CTSD: variants seen among roughly 807,000 people sequenced by gnomAD.
CTSD encodes ceroid-lipofuscinosis, neuronal 10.
CTSD carries 28 observed loss-of-function variants against 43.6 expected under a neutral mutation model. That is an observed-to-expected ratio of 0.64 (90% CI 0.48 to 0.88). The LOEUF is 0.88. CTSD is among the 40% of genes least tolerant of loss of function. The probability of loss-of-function intolerance (pLI) is 0.00; values close to 1 mark genes in which losing one functional copy is unlikely to be tolerated. For missense variants in CTSD, 485 were observed against 555.2 expected, an observed-to-expected ratio of 0.87 and a Z score of 1.27; for synonymous variants, 270 against 249.8, an observed-to-expected ratio of 1.08 and a Z score of -0.76.
At chr11:1,755,494 C>G (rs374054229) in intron 5 of CTSD, 1 of 292,830 alleles carries the variant, frequency 3.4e-6, no homozygotes, top group Non-Finnish European at 6.7e-6. Context: ...TGGGAACACC[C>G]TCCACCTGCA....
intron 6 of CTSD, chr11:1,754,358 G>GGAGGGTTGGAGGGGATGGAGGGGCATA: frequency 3.9e-6 from 2 of 509,072 alleles, no homozygotes; most frequent in Non-Finnish European, 7.2e-6. Flanking sequence ...TGAGGGGCAT[G>GGAGGGTTGGAGGGGATGGAGGGGCATA]GAGGGATGGA....
intron 5 of CTSD, among the ~76,000 whole-genome samples, chr11:1,756,285 C>T (rs116660741): frequency 0.011 from 1,687 of 152,342 alleles, 38 homozygotes; most frequent in African/African-American, 0.039. Context: ...CTGGCTGCCT[C>T]CCCTGTGCCC....
chr11:1,761,268 C>A, intron 2 of CTSD, 41 bp downstream of exon 2: 1 of 1,609,080 alleles, frequency 6.2e-7, no homozygotes. Context: ...GCTCTCCTGA[C>A]AGTGGCTCCG....
intron 3 of CTSD, 100 bp from the exon 4 acceptor site, chr11:1,759,187 C>T (rs1845845154): frequency 1.3e-5 from 13 of 1,006,146 alleles, no homozygotes; most frequent in Admixed American, 8.4e-5. Flanking sequence ...CCCGCACCCC[C>T]CAAGCTGCCT....
At chr11:1,762,343 G>GT (rs1319735542) in intron 1 of CTSD, 1 of 152,334 alleles carries the variant, frequency 6.6e-6, no homozygotes, top group Non-Finnish European at 1.5e-5. Context: ...CAGGAAGCGA[G>GT]TAAGAGAGAG....
At chr11:1,759,230 C>T (rs1335619090) in intron 3 of CTSD, 143 bp from the exon 4 acceptor site, 4 of 875,948 alleles carry the variant, frequency 4.6e-6, no homozygotes, top group South Asian at 4.0e-5. Flanking sequence ...GATCTGAGGC[C>T]CACCATCATG....
rs1409862087 is a variant in CTSD at position 1,755,005 on chromosome 11, C to T, written c.728G>A (p.Gly243Asp). 1.2e-6 allele frequency: 2 copies of T among 1,613,858 alleles called. No individual in the cohort carries two copies. The highest frequency in any genetic ancestry group is 1.7e-6 in the Non-Finnish European group (2 of 1,179,872). The change falls in exon 6 of 9, where the codon GGT (glycine) becomes GAT (aspartate). Residue 243 changes from glycine to aspartate, a missense_variant. Gly to Asp is a moderately conservative substitution (Grantham distance 94). Coordinates refer to ENST00000236671, the MANE Select transcript of CTSD (RefSeq NM_001909.5). Reference sequence around the variant, plus strand: ...GTCTGTGCCACCCAGCATCAGCTCACCCCCAGGCTGCGCATCTGGGTCCCT... The same window carrying T: ...GTCTGTGCCACCCAGCATCAGCTCATCCCCAGGCTGCGCATCTGGGTCCCT... ...LSRDPDAQPG[G>D]ELMLGGTDSK...
intron 6 of CTSD, 60 bp from the exon 7 acceptor site, chr11:1,754,198 T>C (rs745653205): frequency 1.9e-6 from 3 of 1,566,446 alleles, no homozygotes; most frequent in Non-Finnish European, 2.6e-6. Context: ...GGGGGCCCAG[T>C]GCCCCTCCCT....
chr11:1,753,203 C>G lies in CTSD; in HGVS notation c.*300G>C, dbSNP rs113940256. Reference sequence around the variant, plus strand: ...GAGATGAAGGGAGCCCCAGGATACACGAGCTCGGCTGCCAAGCTTGGGTGG... The same window carrying G: ...GAGATGAAGGGAGCCCCAGGATACAGGAGCTCGGCTGCCAAGCTTGGGTGG... On this transcript the variant is annotated 3_prime_UTR_variant, in exon 9 of 9. Coordinates refer to ENST00000236671, the MANE Select transcript of CTSD (RefSeq NM_001909.5). 5 of 462,500 alleles carry G rather than the reference C, an allele frequency of 1.1e-5. No homozygotes were observed. In the Admixed American group the frequency reaches 1.7e-4, roughly 16 times the overall value. 28.6% of individuals were successfully genotyped at this position (462,500 alleles called of 1,614,324 possible). A position where few individuals can be genotyped will look rare whatever the true frequency, so the allele number is the denominator to read the frequency against.
At position 1,755,017 on chromosome 11, in the gene CTSD, G is replaced by C. The variant is rs759564989; in HGVS notation, c.716C>G (p.Ala239Gly). The change falls in exon 6 of 9, where the codon GCG becomes GGG. Residue 239 changes from alanine to glycine, a missense_variant. Ala to Gly is a moderately conservative substitution (Grantham distance 60). Transcript: ENST00000236671. ...CAGCATCAGCTCACCCCCAGGCTGCGCATCTGGGTCCCTAGGAGGAAAAGG... is the reference window on the plus strand; with the variant it reads ...CAGCATCAGCTCACCCCCAGGCTGCCCATCTGGGTCCCTAGGAGGAAAAGG... The part of the protein sequence containing the change: ...FSFYLSRDPD[A>G]QPGGELMLGG... The C allele has an allele frequency of 6.2e-7, 1 of 1,613,836 alleles. No individual in the cohort carries two copies. The highest frequency in any genetic ancestry group is 8.5e-7 in the Non-Finnish European group (1 of 1,179,894).
At chr11:1,756,962 G>A (rs1385221218) in intron 5 of CTSD, among the ~76,000 whole-genome samples, 1 of 152,152 alleles carries the variant, frequency 6.6e-6, no homozygotes, top group East Asian at 1.9e-4. Flanking sequence ...AGGACCACAT[G>A]TGCCCATCAC....
intron 6 of CTSD, chr11:1,754,360 A>AG (rs989279799): frequency 9.4e-5 from 41 of 435,276 alleles, no homozygotes; most frequent in African/African-American, 2.9e-4. Flanking sequence ...AGGGGCATGG[A>AG]GGGATGGAGG....
In CTSD at chr11:1,754,040, C is replaced by T. The variant is rs374540411; in HGVS notation, c.926G>A (p.Arg309His). ...SLMVGPVDEV[R>H]ELQKAIGAVP... ...GGCCCCGATGGCCTTCTGCAGCTCG[C>T]GCACCTCATCCACCGGGCCCACCAT... is the stretch of plus-strand genomic sequence containing the variant. Residue 309 changes from arginine (R) to histidine (H), a missense_variant, in exon 7 of 9, where the codon CGC (arginine) becomes CAC (histidine). By Grantham distance (29) the Arg-to-His change is conservative (BLOSUM62 0). Transcript: ENST00000236671. 124 of 1,610,514 alleles carry T rather than the reference C, an allele frequency of 7.7e-5. 3 individuals are homozygous for T. Among genetic ancestry groups the T allele is most frequent in the East Asian group, 3.8e-4 (17 of 44,788 alleles).
At position 1,754,262 on chromosome 11, in the gene CTSD, G is replaced by GCA. The variant is rs766377846; in HGVS notation, c.828-126_828-125dup. ...TCTCCTCCCCTCAGGGCTCCTGGAA[G>GCA]CACAGCCGGCTGTAAGCCCTCCAGG... On this transcript the variant is annotated intron_variant, in intron 6 of 8. Coordinates refer to ENST00000236671, the MANE Select transcript of CTSD (RefSeq NM_001909.5). 10 of 1,165,228 alleles carry GCA rather than the reference G, an allele frequency of 8.6e-6. No homozygotes were observed. In the East Asian group the frequency reaches 2.3e-4, roughly 27 times the overall value. 72.2% of individuals were successfully genotyped at this position (1,165,228 alleles called of 1,614,324 possible).
At chr11:1,754,636 G>GTC in intron 6 of CTSD, among the ~76,000 whole-genome samples, 1 of 147,898 alleles carries the variant, frequency 6.8e-6, no homozygotes, top group East Asian at 2.1e-4. Context: ...TGGAGGGATG[G>GTC]ACAGAAGGGA....
chr11:1,759,099 G>A lies in CTSD; in HGVS notation c.353-12C>T, dbSNP rs141523461. ...CTTGTGGTGGATCCCTGCCCCGGGC[G>A]ACAAGGGGGCCCGCCGGTCATCCCG... On this transcript the variant is annotated splice_polypyrimidine_tract_variant and intron_variant, in intron 3 of 8. Coordinates refer to ENST00000236671, the MANE Select transcript of CTSD (RefSeq NM_001909.5). The A allele has an allele frequency of 5.1e-3, 8,021 of 1,587,532 alleles. 47 individuals carry two copies. Among genetic ancestry groups the A allele is most frequent in the Middle Eastern group, 0.014 (87 of 6,024 alleles).
intron 4 of CTSD, 62 bp downstream of exon 4, chr11:1,758,907 C>T (rs1312875351): frequency 6.7e-6 from 8 of 1,202,668 alleles, no homozygotes; most frequent in African/African-American, 4.5e-5. Flanking sequence ...CACATACCCA[C>T]GGTGGGTGAA....
rs377057633 is a variant in CTSD, at chr11:1,753,492, C to G, written c.*11G>C. The G allele has an allele frequency of 1.2e-6, 2 of 1,612,900 alleles. No individual in the cohort carries two copies. The highest frequency in any genetic ancestry group is 1.3e-5 in the African/African-American group (1 of 75,012). On this transcript the variant is annotated 3_prime_UTR_variant, in exon 9 of 9. Coordinates refer to ENST00000236671, the MANE Select transcript of CTSD (RefSeq NM_001909.5). Reference sequence around the variant, plus strand: ...CTCTGTTTCTGTGCTGGCGCGCGGACGCCTTGGGAACTAGAGGCGGGCAGC... The same window carrying G: ...CTCTGTTTCTGTGCTGGCGCGCGGAGGCCTTGGGAACTAGAGGCGGGCAGC...
In CTSD at chr11:1,757,557, C is replaced by T; in HGVS notation, c.472-1G>A. The T allele has an allele frequency of 6.2e-7, 1 of 1,607,444 alleles. No homozygotes were observed. Among genetic ancestry groups the T allele is most frequent in the South Asian group, 1.1e-5 (1 of 90,672 alleles). ...CTGACGACGCTGACTGGCAGGGCAC[C>T]TGCAGGCCAGGGCAGAGTCAGTGGG... On this transcript the variant is annotated splice_acceptor_variant, in intron 4 of 8. Coordinates refer to ENST00000236671, the MANE Select transcript of CTSD (RefSeq NM_001909.5). LOFTEE classifies it high-confidence loss of function.
Sources: allele counts gnomAD v4.1 joint callset (sites outside exome capture counted in the v4.1 genomes callset), GRCh38; gene constraint gnomAD v4.1.1; transcripts MANE v1.5; gene names NCBI Gene and HGNC (gene_info 2026-07-23, HGNC 2026-07-21).